Variants in ADAMTS7 observed in about 807,000 individuals in gnomAD.
The protein encoded by ADAMTS7 is A disintegrin and metalloproteinase with thrombospondin motifs 7.
A neutral mutation model predicts 172.6 loss-of-function variants in ADAMTS7; 89 were observed. That is an observed-to-expected ratio of 0.52 (90% CI 0.43 to 0.61). The LOEUF (loss-of-function observed/expected upper bound fraction) is 0.61, where lower values mean the gene tolerates loss of function less well. Ranked by LOEUF, ADAMTS7 falls within the 20% of genes least tolerant of loss-of-function variation. The pLI is 0.00. For synonymous variants in ADAMTS7, 885 were observed against 978.4 expected, an observed-to-expected ratio of 0.90 and a Z score of 1.78; for missense variants, 1,973 against 2,355.6, an observed-to-expected ratio of 0.84 and a Z score of 3.36.
At chr15:78,775,348 G>A (rs2055325603) in intron 11 of ADAMTS7, among the ~76,000 whole-genome samples, 1 of 152,184 alleles carries the variant, frequency 6.6e-6, no homozygotes, top group South Asian at 2.1e-4. Context: ...CAGGGTCGCT[G>A]GCCCCCACCC....
chr15:78,767,713 GC>G, intron 17 of ADAMTS7, 121 bp from the exon 18 acceptor site: 2 of 914,380 alleles, frequency 2.2e-6, no homozygotes, highest in Non-Finnish European at 3.2e-6. Context: ...TGGGACTGAG[GC>G]CAGTGGTTGA....
rs144957342 is a variant in ADAMTS7 at position 78,769,621 on chromosome 15, G to C, written c.2519-1362C>G. ...TGTGGCAAGCAGGAGTGGAGGGGAG[G>C]CTGCTGTGACAAGGACGGTGTGGCT... On this transcript the variant is annotated intron_variant, in intron 16 of 23. Coordinates refer to ENST00000388820, the MANE Select transcript of ADAMTS7 (RefSeq NM_014272.5). Among the ~76,000 whole-genome samples the C allele has an allele frequency of 4.1e-3, 622 of 152,334 alleles. 6 individuals are homozygous for C. The highest frequency in any genetic ancestry group is 0.014 in the African/African-American group (580 of 41,566).
At chr15:78,808,916 A>G (rs996900023) in intron 1 of ADAMTS7, among the ~76,000 whole-genome samples, 4 of 152,246 alleles carry the variant, frequency 2.6e-5, no homozygotes, top group African/African-American at 9.6e-5. Context: ...CCTGGGTGAC[A>G]GAACTGTCAC....
At chr15:78,810,071 A>G (rs1414090195) in intron 1 of ADAMTS7, among the ~76,000 whole-genome samples, 1 of 152,110 alleles carries the variant, frequency 6.6e-6, no homozygotes, top group Admixed American at 6.5e-5. Context: ...CGCCCAGACT[A>G]CTTTCTCGTC....
chr15:78,791,019 C>T (rs1278067778), intron 5 of ADAMTS7, 121 bp downstream of exon 5: 38 of 1,295,168 alleles, frequency 2.9e-5, no homozygotes, highest in South Asian at 8.2e-5. Context: ...GCAGGGGACA[C>T]GGTCCAGGCC....
At position 78,797,986 on chromosome 15, in the gene ADAMTS7, C is replaced by G; in HGVS notation, c.584G>C (p.Arg195Pro). 1 of 1,594,750 alleles carries G rather than the reference C, an allele frequency of 6.3e-7. No homozygotes were observed. The highest frequency in any genetic ancestry group is 8.5e-7 in the Non-Finnish European group (1 of 1,172,516). Residue 195 changes from arginine (R) to proline (P), a missense_variant, in exon 3 of 24, where the codon CGG (arginine) becomes CCG (proline). By Grantham distance (103) the Arg-to-Pro change is moderately radical. This residue lies in a region of ADAMTS7 where 306 missense variants were observed against 288.0 expected (regional missense o/e 1.06). Coordinates refer to ENST00000388820, the MANE Select transcript of ADAMTS7 (RefSeq NM_014272.5). ...KRQAPERLAQ[R>P]GDSSAPSTCG... is the part of the protein sequence containing the mutation. ...GGTGCTTGGAGCACTGGAATCACCC[C>G]GCTGTGCCAGCCTCTCCGGGGCCTG... is the stretch of plus-strand genomic sequence containing the variant.
At position 78,800,359 on chromosome 15, in the gene ADAMTS7, C is replaced by T. The variant is rs773819299; in HGVS notation, c.289G>A (p.Ala97Thr). The change falls in exon 2 of 24, where the codon GCC becomes ACC. Residue 97 changes from alanine (A) to threonine (T), a missense_variant. Ala to Thr is a moderately conservative substitution (Grantham distance 58, BLOSUM62 0). Coordinates refer to ENST00000388820, the MANE Select transcript of ADAMTS7 (RefSeq NM_014272.5). ...RGRELRFNLT[A>T]NQHLLAPGFV... ...CCGGGCGCCAGCAGGTGCTGATTGG[C>T]GGTCAGGTTGAAGCGCAGCTCGCGC... The T allele has an allele frequency of 4.4e-6, 7 of 1,604,804 alleles. No homozygotes were observed. Among genetic ancestry groups the T allele is most frequent in the East Asian group, 2.2e-5 (1 of 44,716 alleles).
chr15:78,804,272 T>C (rs190054349), intron 1 of ADAMTS7, among the ~76,000 whole-genome samples: 9 of 152,330 alleles, frequency 5.9e-5, no homozygotes, highest in African/African-American at 2.2e-4. Context: ...TCAAATCTCT[T>C]TGGACACCAG....
chr15:78,765,489 G>C (rs1204464197), intron 19 of ADAMTS7, among the ~76,000 whole-genome samples, 156 bp downstream of exon 19: 1 of 152,224 alleles, frequency 6.6e-6, no homozygotes, highest in African/African-American at 2.4e-5. Context: ...CCAGGAATGG[G>C]GCCCGGGGTC....
chr15:78,771,248 T>A lies in ADAMTS7; in HGVS notation c.2432A>T (p.Glu811Val). Residue 811 changes from glutamate (E) to valine (V), a missense_variant, in exon 16 of 24, where the codon GAG (glutamate) becomes GTG (valine). By Grantham distance (121) the Glu-to-Val change is moderately radical. Coordinates refer to ENST00000388820, the MANE Select transcript of ADAMTS7 (RefSeq NM_014272.5). This position sits in a 1 kb window ranked among gnomAD's most constrained non-coding sequence, Gnocchi z 4.9. ...GVHYEYTIHR[E>V]AGGHDEVPPP... ...CGGGACCTCGTCGTGGCCACCTGCCTCCCTGTGGATGGTGTACTCGTAGTG... is the reference window on the plus strand; with the variant it reads ...CGGGACCTCGTCGTGGCCACCTGCCACCCTGTGGATGGTGTACTCGTAGTG... 1.9e-6 allele frequency: 3 copies of A among 1,612,468 alleles called. No homozygotes were observed. Among genetic ancestry groups the A allele is most frequent in the Non-Finnish European group, 2.5e-6 (3 of 1,179,694 alleles).
intron 6 of ADAMTS7, among the ~76,000 whole-genome samples, chr15:78,790,295 C>T (rs1312128588): frequency 6.6e-6 from 1 of 151,588 alleles, no homozygotes; most frequent in African/African-American, 2.4e-5. Context: ...GAACTGAATA[C>T]ACACACACAC....
chr15:78,791,319 C>T (rs1323655510), intron 4 of ADAMTS7, 96 bp from the exon 5 acceptor site: 1 of 937,640 alleles, frequency 1.1e-6, no homozygotes, highest in Admixed American at 2.3e-5. Context: ...GGGCAACGCA[C>T]ACCTGTGCTC....
chr15:78,783,288 G>A lies in ADAMTS7; in HGVS notation c.1322+4943C>T, dbSNP rs1163483097. Reference sequence around the variant, plus strand: ...ATGCATTTTAAGAAAACTTTTTTTTGAGACAGAGTCTCTCTCTGTTGCCCA... The same window carrying A: ...ATGCATTTTAAGAAAACTTTTTTTTAAGACAGAGTCTCTCTCTGTTGCCCA... On this transcript the variant is annotated intron_variant, in intron 8 of 23. Transcript: ENST00000388820. Among the ~76,000 whole-genome samples the A allele has an allele frequency of 2.0e-5, 3 of 152,126 alleles. No individual in the cohort carries two copies. The East Asian group carries it at 5.8e-4, about 29-fold the overall frequency.
At position 78,771,967 on chromosome 15, in the gene ADAMTS7, C is replaced by G. The variant is rs1190520132; in HGVS notation, c.2132-138G>C. On this transcript the variant is annotated intron_variant, in intron 14 of 23. Coordinates refer to ENST00000388820, the MANE Select transcript of ADAMTS7 (RefSeq NM_014272.5). The surrounding 1 kb of genome is among the most constrained non-coding windows in gnomAD (Gnocchi z 4.9). ...TAAAGTCTGAGCTCCCTAAATTGCT[C>G]GGATCTGTCATGGGTCACCAAAACC... is the stretch of plus-strand genomic sequence containing the variant. The G allele has an allele frequency of 5.3e-6, 7 of 1,328,086 alleles. No individual in the cohort carries two copies. Among genetic ancestry groups the G allele is most frequent in the Non-Finnish European group, 7.1e-6 (7 of 988,982 alleles). The allele number at this position is 1,328,086 out of a possible 1,614,324, so 82.3% of individuals were successfully genotyped here.
chr15:78,796,501 C>G, intron 4 of ADAMTS7, 89 bp downstream of exon 4: 1 of 1,463,990 alleles, frequency 6.8e-7, no homozygotes, highest in Non-Finnish European at 9.3e-7. Flanking sequence ...TGGGGTCCAG[C>G]CTGACAGCCT....
rs1183267204 is a variant in ADAMTS7 at position 78,788,221 on chromosome 15, G to C, written c.1322+10C>G. ...ATCAAGGTATAGGGGCCCAGGGCTG[G>C]GGGACTTACTCAAGGAACCTGGTGA... On this transcript the variant is annotated intron_variant, in intron 8 of 23. Coordinates refer to ENST00000388820, the MANE Select transcript of ADAMTS7 (RefSeq NM_014272.5). 1 of 1,613,318 alleles carries C rather than the reference G, an allele frequency of 6.2e-7. No homozygotes were observed. The highest frequency in any genetic ancestry group is 8.5e-7 in the Non-Finnish European group (1 of 1,179,942).
At chr15:78,785,073 C>T (rs2055483508) in intron 8 of ADAMTS7, among the ~76,000 whole-genome samples, 2 of 151,900 alleles carry the variant, frequency 1.3e-5, no homozygotes. Context: ...AGCATCCAGT[C>T]TAAACTGGAG....
rs1469520965 is a variant in ADAMTS7, at chr15:78,788,223, G to A, written c.1322+8C>T. ...CAAGGTATAGGGGCCCAGGGCTGGG[G>A]GACTTACTCAAGGAACCTGGTGATA... On this transcript the variant is annotated splice_region_variant and intron_variant, in intron 8 of 23. Transcript: ENST00000388820. 1 of 1,613,284 alleles carries A rather than the reference G, an allele frequency of 6.2e-7. No individual in the cohort carries two copies. Among genetic ancestry groups the A allele is most frequent in the East Asian group, 2.2e-5 (1 of 44,880 alleles).
intron 23 of ADAMTS7, among the ~76,000 whole-genome samples, chr15:78,761,723 T>C (rs1181907052): frequency 6.6e-6 from 1 of 151,956 alleles, no homozygotes; most frequent in African/African-American, 2.4e-5. Flanking sequence ...AGGAAGTGTA[T>C]GACTGTGTGT....
Sources: allele counts gnomAD v4.1 joint callset (sites outside exome capture counted in the v4.1 genomes callset), GRCh38; gene constraint gnomAD v4.1.1; regional missense constraint gnomAD v4.1.1; non-coding constraint Gnocchi (gnomAD v3.1); transcripts MANE v1.5; gene names NCBI Gene and HGNC (gene_info 2026-07-23, HGNC 2026-07-21).